The following CES5A variants were observed in gnomAD, a reference collection of about 807,000 sequenced individuals.
The protein encoded by CES5A is carboxylesterase 5.
CES5A carries 67 observed loss-of-function variants against 62.9 expected under a neutral mutation model. The observed-to-expected ratio is 1.07, with a 90% confidence interval of 0.88 to 1.31. CES5A has a LOEUF of 1.31. Among genes scored for constraint, CES5A ranks in the 50% most tolerant of loss-of-function variants. CES5A has a pLI of 0.00. For synonymous variants in CES5A, 296 were observed against 280.8 expected (o/e 1.05, Z -0.54); for missense variants, 748 against 708.5 (o/e 1.06, Z -0.63).
At chr16:55,948,851 G>A (rs1429377514) in intron 2 of CES5A, among the ~76,000 whole-genome samples, 1 of 152,166 alleles carries the variant, frequency 6.6e-6, no homozygotes, top group Non-Finnish European at 1.5e-5. Flanking sequence ...TGGTGTTAGA[G>A]TTTGAGGTCA....
At chr16:55,872,784 C>A in intron 2 of CES5A, among the ~76,000 whole-genome samples, 1 of 152,224 alleles carries the variant, frequency 6.6e-6, no homozygotes, top group Non-Finnish European at 1.5e-5. Context: ...CCTCAGCACC[C>A]TTCCCTGACA....
intron 1 of CES5A, among the ~76,000 whole-genome samples, chr16:55,905,097 C>A (rs2034027344): frequency 3.9e-5 from 6 of 152,200 alleles, no homozygotes; most frequent in Admixed American, 3.9e-4. Flanking sequence ...TATAAATTTT[C>A]TTTCCAAACA....
intron 9 of CES5A, among the ~76,000 whole-genome samples, chr16:55,854,526 T>C (rs1366187825): frequency 2.0e-4 from 12 of 60,386 alleles, no homozygotes; most frequent in South Asian, 7.1e-4. Flanking sequence ...CTGCCTGTAG[T>C]GTTTCTTTTT....
chr16:55,884,599 C>A (rs369705555), intron 1 of CES5A, among the ~76,000 whole-genome samples: 73 of 149,672 alleles, frequency 4.9e-4, no homozygotes, highest in Middle Eastern at 3.4e-3. Flanking sequence ...AAACTTCTTC[C>A]TTTTTTTTTT....
intron 1 of CES5A, among the ~76,000 whole-genome samples, chr16:55,954,202 T>C (rs2034585311): frequency 1.3e-5 from 2 of 152,140 alleles, no homozygotes; most frequent in African/African-American, 4.8e-5. Context: ...AGAACCAAGC[T>C]CAGATAGCAA....
At chr16:55,880,391 T>C (rs1279319341) in intron 1 of CES5A, among the ~76,000 whole-genome samples, 6 of 152,158 alleles carry the variant, frequency 3.9e-5, no homozygotes, top group Non-Finnish European at 8.8e-5. Flanking sequence ...GTGTGCTGCA[T>C]GAAAGTCCTA....
chr16:55,943,899 T>C (rs1481458452), intron 2 of CES5A: 1 of 610,708 alleles, frequency 1.6e-6, no homozygotes, highest in Non-Finnish European at 2.9e-6. Flanking sequence ...AAGCTTTAAC[T>C]GAGTATCCAG....
At chr16:55,945,881 G>A (rs775306705) in intron 2 of CES5A, among the ~76,000 whole-genome samples, 9 of 151,942 alleles carry the variant, frequency 5.9e-5, no homozygotes, top group Non-Finnish European at 7.4e-5. Flanking sequence ...GCTCTTGATC[G>A]GCCTCCCTAC....
intron 1 of CES5A, among the ~76,000 whole-genome samples, chr16:55,902,531 GAC>G (rs2034001227): frequency 6.6e-6 from 1 of 150,652 alleles, no homozygotes. Context: ...TGGGAGAGGA[GAC>G]CACTTTGGAT....
rs763335122 is a variant in CES5A at position 55,865,917 on chromosome 16, AC to A, written c.705+45del. On this transcript the variant is annotated intron_variant, in intron 5 of 12. Transcript: ENST00000290567. Reference sequence around the variant, plus strand: ...TTAGTGACTCATCATCATTTTTGGAACCTCCGGCACTGAGATTCATTCAAAC... The same window carrying A: ...TTAGTGACTCATCATCATTTTTGGAACTCCGGCACTGAGATTCATTCAAAC... 3 of 1,610,240 alleles carry A rather than the reference AC, an allele frequency of 1.9e-6. No individual in the cohort carries two copies. In the Middle Eastern group the frequency reaches 5.0e-4, roughly 266 times the overall value.
chr16:55,935,792 T>C (rs1435432682), intron 2 of CES5A, among the ~76,000 whole-genome samples: 2 of 152,174 alleles, frequency 1.3e-5, no homozygotes, highest in Admixed American at 1.3e-4. Flanking sequence ...CTAATGCTTT[T>C]TTTTTTTGGC....
At chr16:55,877,833 G>A (rs1402679423), upstream of CES5A, among the ~76,000 whole-genome samples, 2 of 152,202 alleles carry the variant, frequency 1.3e-5, no homozygotes, top group African/African-American at 4.8e-5. Context: ...ACAAAGCTGA[G>A]AAGCAGAACA....
upstream of CES5A, among the ~76,000 whole-genome samples, chr16:55,927,528 A>G (rs2034270003): frequency 1.3e-5 from 2 of 152,226 alleles, no homozygotes; most frequent in African/African-American, 2.4e-5. Context: ...TCTTAACACC[A>G]CTAATCATCA....
chr16:55,946,737 C>T (rs909300683), intron 2 of CES5A, among the ~76,000 whole-genome samples: 3 of 152,214 alleles, frequency 2.0e-5, no homozygotes, highest in African/African-American at 4.8e-5. Context: ...CAGTTATTCT[C>T]ACTCATACAT....
chr16:55,946,986 G>T (rs949540312), intron 2 of CES5A, among the ~76,000 whole-genome samples: 1 of 152,144 alleles, frequency 6.6e-6, no homozygotes, highest in African/African-American at 2.4e-5. Flanking sequence ...AGAGCAAAGG[G>T]CAATGACATA....
chr16:55,906,907 T>C (rs2142446628), intron 1 of CES5A, among the ~76,000 whole-genome samples: 1 of 152,328 alleles, frequency 6.6e-6, no homozygotes, highest in South Asian at 2.1e-4. Flanking sequence ...TCATGCTAGC[T>C]GAGAGACCTC....
intron 1 of CES5A, among the ~76,000 whole-genome samples, chr16:55,919,393 T>C (rs1189021802): frequency 6.6e-6 from 1 of 152,240 alleles, no homozygotes; most frequent in Non-Finnish European, 1.5e-5. Context: ...TGCCTGCTGG[T>C]TAAAGCCTGA....
At chr16:55,876,319 T>C (rs1346777646), upstream of CES5A, among the ~76,000 whole-genome samples, 3 of 152,220 alleles carry the variant, frequency 2.0e-5, no homozygotes, top group Admixed American at 6.5e-5. Context: ...ATCTACCTAG[T>C]GCAATAAGAA....
At chr16:55,874,845 G>A (rs1286725916) in intron 1 of CES5A, among the ~76,000 whole-genome samples, 1 of 152,160 alleles carries the variant, frequency 6.6e-6, no homozygotes. Flanking sequence ...CCGCAGCCAG[G>A]AGTGCAGAAG....
Sources: gnomAD v4.1 joint callset for allele counts (sites outside exome capture counted in the v4.1 genomes callset) on GRCh38, gnomAD v4.1.1 for gene constraint, MANE v1.5 for transcripts, NCBI Gene and HGNC (gene_info 2026-07-23, HGNC 2026-07-21) for gene names.